The following REDIC1 variants were observed in gnomAD, a reference collection of about 807,000 sequenced individuals.
The protein encoded by REDIC1 is regulator of DNA class I crossover intermediates 1, also known as HEI10 Interacting Protein 1.
chr12:39,720,388 C>T, the REDIC1 span, among the ~76,000 whole-genome samples: 111,783 of 151,818 alleles, frequency 0.74, 42,564 homozygotes, highest in Non-Finnish European at 0.84. Flanking sequence ...TAGCTGTTTC[C>T]TTCGAAGGTA....
At chr12:39,885,626 A>G in the REDIC1 span, among the ~76,000 whole-genome samples, 5 of 152,076 alleles carry the variant, frequency 3.3e-5, no homozygotes, top group East Asian at 9.7e-4. Context: ...GAGAAAAATT[A>G]TCTCTGGCCT....
At chr12:39,834,975 T>G in the REDIC1 span, among the ~76,000 whole-genome samples, 1 of 152,100 alleles carries the variant, frequency 6.6e-6, no homozygotes, top group African/African-American at 2.4e-5. Context: ...TAGGAATGGC[T>G]ATTACATTTT....
chr12:39,668,952 C>G, the REDIC1 span, among the ~76,000 whole-genome samples: 1 of 150,598 alleles, frequency 6.6e-6, no homozygotes, highest in Non-Finnish European at 1.5e-5. Flanking sequence ...GTTGGCCATT[C>G]GTCTAATTTT....
At chr12:39,878,775 C>A in the REDIC1 span, among the ~76,000 whole-genome samples, 1 of 152,222 alleles carries the variant, frequency 6.6e-6, no homozygotes, top group Admixed American at 6.5e-5. Context: ...TTCAAGCATG[C>A]TGTGGAGCAA....
the REDIC1 span, among the ~76,000 whole-genome samples, chr12:39,735,442 G>C: frequency 6.6e-6 from 1 of 152,158 alleles, no homozygotes; most frequent in Non-Finnish European, 1.5e-5. Context: ...GATTTCCAAG[G>C]AGAATGTTGA....
At chr12:39,730,871 A>G in the REDIC1 span, among the ~76,000 whole-genome samples, 1 of 151,632 alleles carries the variant, frequency 6.6e-6, no homozygotes, top group Non-Finnish European at 1.5e-5. Context: ...TTTTTCTCTA[A>G]TCTTGTCTTC....
the REDIC1 span, among the ~76,000 whole-genome samples, chr12:39,797,279 T>TGCAAAC: frequency 1.3e-5 from 2 of 152,204 alleles, no homozygotes; most frequent in African/African-American, 4.8e-5. Flanking sequence ...GCAATGTAAT[T>TGCAAAC]ATCTTTAAGT....
At chr12:39,818,592 T>C in the REDIC1 span, among the ~76,000 whole-genome samples, 1 of 152,198 alleles carries the variant, frequency 6.6e-6, no homozygotes, top group African/African-American at 2.4e-5. Context: ...TCAGCATGTA[T>C]CTCTGCTTTG....
At chr12:39,876,900 A>G in the REDIC1 span, among the ~76,000 whole-genome samples, 1 of 152,204 alleles carries the variant, frequency 6.6e-6, no homozygotes, top group Admixed American at 6.5e-5. Flanking sequence ...ATATAGGACA[A>G]GTTACATGAG....
the REDIC1 span, among the ~76,000 whole-genome samples, chr12:39,734,556 A>T: frequency 6.6e-6 from 1 of 152,262 alleles, no homozygotes; most frequent in African/African-American, 2.4e-5. Flanking sequence ...AATTTTTGTA[A>T]TGTATATAAT....
chr12:39,670,201 AT>A, the REDIC1 span, among the ~76,000 whole-genome samples: 2 of 151,708 alleles, frequency 1.3e-5, no homozygotes, highest in African/African-American at 4.8e-5. Flanking sequence ...TTATTTATTT[AT>A]TTTTTTGAGA....
chr12:39,669,111 T>A, the REDIC1 span, among the ~76,000 whole-genome samples: 1 of 152,234 alleles, frequency 6.6e-6, no homozygotes, highest in Non-Finnish European at 1.5e-5. Flanking sequence ...TGCGTTCCTT[T>A]AGAGTAGGAG....
chr12:39,851,515 C>G, the REDIC1 span, among the ~76,000 whole-genome samples: 3 of 152,068 alleles, frequency 2.0e-5, no homozygotes, highest in Admixed American at 1.3e-4. Context: ...CAAGATGGCC[C>G]TAATGTACAA....
the REDIC1 span, among the ~76,000 whole-genome samples, chr12:39,754,695 A>G: frequency 2.0e-5 from 3 of 152,080 alleles, no homozygotes; most frequent in African/African-American, 7.2e-5. Flanking sequence ...ACCACCAAAG[A>G]TAATTTTTGA....
chr12:39,671,506 C>T, the REDIC1 span, among the ~76,000 whole-genome samples: 1 of 152,260 alleles, frequency 6.6e-6, no homozygotes, highest in South Asian at 2.1e-4. Context: ...ATTCTTGATC[C>T]TCCTGGCAGC....
chr12:39,845,681 C>A, the REDIC1 span, among the ~76,000 whole-genome samples: 1 of 152,120 alleles, frequency 6.6e-6, no homozygotes, highest in African/African-American at 2.4e-5. Flanking sequence ...AGGCATCCCC[C>A]TAGATAGCAT....
At chr12:39,727,839 T>C in the REDIC1 span, among the ~76,000 whole-genome samples, 1 of 152,222 alleles carries the variant, frequency 6.6e-6, no homozygotes, top group African/African-American at 2.4e-5. Context: ...AGAGCAGTGG[T>C]TTGTAGTTCT....
chr12:39,823,215 T>C, the REDIC1 span, among the ~76,000 whole-genome samples: 1 of 152,236 alleles, frequency 6.6e-6, no homozygotes, highest in Non-Finnish European at 1.5e-5. Context: ...AAATATTCTA[T>C]ATCAGACACT....
the REDIC1 span, among the ~76,000 whole-genome samples, chr12:39,634,023 G>A: frequency 6.6e-6 from 1 of 152,192 alleles, no homozygotes; most frequent in Non-Finnish European, 1.5e-5. Context: ...ACTTTGGGCA[G>A]TATGACCATT....
Sources: gnomAD v4.1 joint callset for allele counts (sites outside exome capture counted in the v4.1 genomes callset) on GRCh38, gnomAD v4.1.1 for gene constraint, MANE v1.5 for transcripts, NCBI Gene and HGNC (gene_info 2026-07-23, HGNC 2026-07-21) for gene names.